VPS28: variants seen among roughly 807,000 people sequenced by gnomAD.
The protein encoded by VPS28 is VPS28 subunit of ESCRT-I, also known as vacuolar protein sorting-associated protein 28 homolog.
In VPS28, 29 loss-of-function variants were observed where a neutral mutation model predicts 33.7. That is an observed-to-expected ratio of 0.86 (90% confidence interval 0.64 to 1.17). The LOEUF is 1.17. Ranked by LOEUF, VPS28 falls within the 50% of genes most tolerant of loss-of-function variation. The pLI, the probability that VPS28 is intolerant of heterozygous loss-of-function variation, is 0.00. For missense variants in VPS28, 247 were observed against 312.2 expected (o/e 0.79, Z 1.57); for synonymous variants, 164 against 116.7 (o/e 1.40, Z -2.61).
chr8:144,426,229 C>T lies in VPS28; in HGVS notation c.38-21G>A, dbSNP rs200079580. On this transcript the variant is annotated intron_variant, in intron 2 of 9. Coordinates refer to ENST00000292510, the MANE Select transcript of VPS28 (RefSeq NM_016208.4). Reference sequence around the variant, plus strand: ...AGGGGCTGCAAGAGAAGGCAGAGAGCTGGCAGGCTGGCCCCAAAGGGAACC... The same window carrying T: ...AGGGGCTGCAAGAGAAGGCAGAGAGTTGGCAGGCTGGCCCCAAAGGGAACC... 5 of 1,587,580 alleles carry T rather than the reference C, an allele frequency of 3.1e-6. No homozygotes were observed. In the South Asian group the frequency reaches 4.6e-5, roughly 14 times the overall value.
chr8:144,427,724 G>A (rs968747149), intron 1 of VPS28, among the ~76,000 whole-genome samples: 6 of 152,260 alleles, frequency 3.9e-5, no homozygotes, highest in Non-Finnish European at 5.9e-5. Flanking sequence ...GAGAAACAAT[G>A]GGAGCGGGGC....
Position 144,424,960 on chromosome 8 carries a change from A to G in VPS28, c.286T>C (p.Cys96Arg). 1 of 1,571,346 alleles carries G rather than the reference A, an allele frequency of 6.4e-7. No individual in the cohort carries two copies. The highest frequency in any genetic ancestry group is 1.2e-5 in the South Asian group (1 of 86,812). The change falls in exon 6 of 10, where the codon TGC becomes CGC. Residue 96 changes from cysteine (C) to arginine (R), a missense_variant. Transcript: ENST00000292510. ...CAGGCACTCACGCGGAACTTGCGGC[A>G]GAATTCGTCAATAGAGCTGATTTCT... The part of the protein sequence containing the change: ...GSEISSIDEF[C>R]RKFRLDCPLA...
rs113060801 is a variant in VPS28, at chr8:144,426,066, G to C, written c.67-3C>G. The C allele has an allele frequency of 1.3e-6, 2 of 1,544,204 alleles. No homozygotes were observed. Among genetic ancestry groups the C allele is most frequent in the Non-Finnish European group, 1.8e-6 (2 of 1,140,418 alleles). On this transcript the variant is annotated splice_region_variant and splice_polypyrimidine_tract_variant and intron_variant, in intron 3 of 9. Coordinates refer to ENST00000292510, the MANE Select transcript of VPS28 (RefSeq NM_016208.4). ...GCGTTCTTGTACAACTTCACTTCCT[G>C]CCGGAGAGAGCGGGCTCTGTGGGCC...
rs1186040378 is a variant in VPS28, at chr8:144,425,781, A to C, written c.105-9T>G. 24 of 1,613,622 alleles carry C rather than the reference A, an allele frequency of 1.5e-5. No homozygotes were observed. Among genetic ancestry groups the C allele is most frequent in the Non-Finnish European group, 2.0e-5 (24 of 1,179,884 alleles). On this transcript the variant is annotated splice_polypyrimidine_tract_variant and intron_variant, in intron 4 of 9. Transcript: ENST00000292510. ...CTGCCATGTTGTCGTACCTGAGGACACACCTGTCTATCGGGCCAGGCCCCG... is the reference window on the plus strand; with the variant it reads ...CTGCCATGTTGTCGTACCTGAGGACCCACCTGTCTATCGGGCCAGGCCCCG...
intron 2 of VPS28, 195 bp downstream of exon 2, chr8:144,426,714 A>G (rs994270769): frequency 1.6e-6 from 1 of 606,814 alleles, no homozygotes; most frequent in Non-Finnish European, 2.9e-6. Flanking sequence ...TCTGCCCAGC[A>G]GGACCAAGCC....
rs1564719458 is a variant in VPS28 at position 144,425,763 on chromosome 8, G to A, written c.114C>T (p.Asn38=). The change falls in exon 5 of 10, where the codon AAC becomes AAT. Residue 38 remains asparagine, a synonymous_variant. Coordinates refer to ENST00000292510, the MANE Select transcript of VPS28 (RefSeq NM_016208.4). The part of the protein sequence containing the change: ...KNAREREKYD[N]MAELFAVVKT... ...TCACCACCGCAAACAGCTCTGCCATGTTGTCGTACCTGAGGACACACCTGT... is the reference window on the plus strand; with the variant it reads ...TCACCACCGCAAACAGCTCTGCCATATTGTCGTACCTGAGGACACACCTGT... The A allele has an allele frequency of 6.2e-7, 1 of 1,613,900 alleles. No individual in the cohort carries two copies. Among genetic ancestry groups the A allele is most frequent in the Non-Finnish European group, 8.5e-7 (1 of 1,179,924 alleles).
intron 7 of VPS28, 76 bp downstream of exon 7, chr8:144,424,642 G>A (rs1822595221): frequency 1.3e-6 from 2 of 1,489,434 alleles, no homozygotes; most frequent in African/African-American, 1.4e-5. Context: ...TGGAGGCCCA[G>A]GACCCTACGC....
chr8:144,428,310 A>C (rs142966315), intron 1 of VPS28, among the ~76,000 whole-genome samples, 179 bp downstream of exon 1: 48 of 152,346 alleles, frequency 3.2e-4, no homozygotes, highest in African/African-American at 8.7e-4. Flanking sequence ...TGTGCAAAAC[A>C]ACCTCGCAGA....
At position 144,425,417 on chromosome 8, in the gene VPS28, C is replaced by G. The variant is rs183241618; in HGVS notation, c.194+266G>C. ...CAAAAGATCCTGGGACATCCCCAAG[C>G]CTCTCGACCGTTTTTTAAGGTTGCC... On this transcript the variant is annotated intron_variant, in intron 5 of 9. Coordinates refer to ENST00000292510, the MANE Select transcript of VPS28 (RefSeq NM_016208.4). 3.0e-4 allele frequency: 174 copies of G among 577,440 alleles called. 3 individuals are homozygous for G. The African/African-American group carries it at 3.1e-3, about 10-fold the overall frequency. The allele number at this position is 577,440 out of a possible 1,614,324, so 35.8% of individuals were successfully genotyped here. A position where few individuals can be genotyped will look rare whatever the true frequency, so the allele number is the denominator to read the frequency against.
chr8:144,424,524 C>A, intron 7 of VPS28, 194 bp downstream of exon 7: 1 of 798,626 alleles, frequency 1.3e-6, no homozygotes, highest in Non-Finnish European at 2.0e-6. Flanking sequence ...TGCTCATCCC[C>A]CCGACAGGAG....
chr8:144,425,284 C>T (rs1586666220), intron 5 of VPS28: 1 of 594,444 alleles, frequency 1.7e-6, no homozygotes, highest in Non-Finnish European at 3.0e-6. Flanking sequence ...CCCTGCCCAC[C>T]CTCTGAACCA....
intron 7 of VPS28, 166 bp downstream of exon 7, chr8:144,424,552 C>T (rs1376080608): frequency 8.2e-6 from 7 of 858,838 alleles, no homozygotes; most frequent in African/African-American, 6.8e-5. Context: ...GGCCTGGGGG[C>T]GTCCCCGCAT....
chr8:144,424,175 C>A, intron 8 of VPS28, 40 bp downstream of exon 8: 1 of 1,562,138 alleles, frequency 6.4e-7, no homozygotes. Context: ...CCGGCTCCAT[C>A]CCCTCCTGCC....
At chr8:144,424,566 G>A in intron 7 of VPS28, 152 bp downstream of exon 7, 5 of 920,754 alleles carry the variant, frequency 5.4e-6, no homozygotes, top group Non-Finnish European at 8.2e-6. Context: ...CCCGCATGCT[G>A]CCCACCCCTC....
At chr8:144,424,167 G>A (rs782631881) in intron 8 of VPS28, 35 bp from the exon 9 acceptor site, 146 of 1,556,830 alleles carry the variant, frequency 9.4e-5, no homozygotes, top group Non-Finnish European at 1.2e-4. Context: ...CCCCGACGCC[G>A]GCTCCATCCC....
chr8:144,425,998 T>G (rs983916720), intron 4 of VPS28, 28 bp downstream of exon 4: 1 of 1,493,650 alleles, frequency 6.7e-7, no homozygotes, highest in Non-Finnish European at 9.0e-7. Flanking sequence ...CATGGGTGTG[T>G]TGGGACAGCC....
chr8:144,426,069 G>C lies in VPS28; in HGVS notation c.67-6C>G. ...TTCTTGTACAACTTCACTTCCTGCC[G>C]GAGAGAGCGGGCTCTGTGGGCCAGT... On this transcript the variant is annotated splice_region_variant and splice_polypyrimidine_tract_variant and intron_variant, in intron 3 of 9. Transcript: ENST00000292510. The C allele has an allele frequency of 6.5e-7, 1 of 1,545,218 alleles. No individual in the cohort carries two copies. Among genetic ancestry groups the C allele is most frequent in the Non-Finnish European group, 8.8e-7 (1 of 1,141,064 alleles).
At chr8:144,426,332 G>A (rs1822741184) in intron 2 of VPS28, 124 bp from the exon 3 acceptor site, 2 of 1,315,344 alleles carry the variant, frequency 1.5e-6, no homozygotes, top group Non-Finnish European at 2.0e-6. Flanking sequence ...AGAGCCCAGA[G>A]GGAGCTGGAG....
chr8:144,425,299 G>T (rs1040917248), intron 5 of VPS28: 2 of 556,440 alleles, frequency 3.6e-6, no homozygotes, highest in Non-Finnish European at 6.4e-6. Flanking sequence ...GAACCACAGC[G>T]ACCAGCCCTC....
Sources: allele counts gnomAD v4.1 joint callset (sites outside exome capture counted in the v4.1 genomes callset), GRCh38; gene constraint gnomAD v4.1.1; transcripts MANE v1.5; gene names NCBI Gene and HGNC (gene_info 2026-07-23, HGNC 2026-07-21).